The following EBF1 variants were observed in gnomAD, a reference collection of about 807,000 sequenced individuals.
EBF1 encodes EBF transcription factor 1.
Under a neutral mutation model 68.4 loss-of-function variants are expected in EBF1, and 10 were observed. That is an observed-to-expected ratio of 0.15 (90% CI 0.09 to 0.25). The LOEUF is 0.25. Among genes scored for constraint, EBF1 ranks in the 10% least tolerant of loss-of-function variants. EBF1 has a pLI of 1.00. For synonymous variants in EBF1, 298 were observed against 299.8 expected, an observed-to-expected ratio of 0.99 and a Z score of 0.06; for missense variants, 509 against 794.4, an observed-to-expected ratio of 0.64 and a Z score of 4.32.
intron 14 of EBF1, among the ~76,000 whole-genome samples, chr5:158,709,647 C>T (rs777249668): frequency 2.2e-4 from 33 of 152,346 alleles, no homozygotes; most frequent in Middle Eastern, 6.8e-3. Context: ...CCAATCCACA[C>T]GCACTGAGTG....
intron 6 of EBF1, among the ~76,000 whole-genome samples, chr5:159,008,398 G>A (rs1178491341): frequency 1.3e-5 from 2 of 152,070 alleles, no homozygotes; most frequent in African/African-American, 2.4e-5. Flanking sequence ...ACAAACAGAT[G>A]AGGAGACTGA....
At chr5:158,790,284 G>A (rs1196707528) in intron 9 of EBF1, among the ~76,000 whole-genome samples, 1 of 152,178 alleles carries the variant, frequency 6.6e-6, no homozygotes, top group East Asian at 1.9e-4. Flanking sequence ...AAATATGAGG[G>A]AAATTTTGTT....
At chr5:158,987,401 C>T (rs141098171) in intron 6 of EBF1, among the ~76,000 whole-genome samples, 2 of 152,212 alleles carry the variant, frequency 1.3e-5, no homozygotes, top group Non-Finnish European at 2.9e-5. Flanking sequence ...TAGCCTTCAG[C>T]CATAGAATCT....
At chr5:158,982,727 T>C (rs1460312577) in intron 6 of EBF1, among the ~76,000 whole-genome samples, 3 of 152,106 alleles carry the variant, frequency 2.0e-5, no homozygotes, top group African/African-American at 7.2e-5. Context: ...TAATAAAGTG[T>C]CCATGATCCC....
intron 7 of EBF1, among the ~76,000 whole-genome samples, chr5:158,824,322 G>A (rs1785536962): frequency 6.6e-6 from 1 of 152,170 alleles, no homozygotes; most frequent in Non-Finnish European, 1.5e-5. Context: ...ATCAGCCCCT[G>A]TCAGCCGCAA....
chr5:158,737,133 G>A (rs1395966720), intron 10 of EBF1, among the ~76,000 whole-genome samples: 2 of 152,078 alleles, frequency 1.3e-5, no homozygotes, highest in Non-Finnish European at 2.9e-5. Flanking sequence ...GGGCTTCAGG[G>A]AAGGACTCCT....
At chr5:159,062,388 C>G (rs997666948) in intron 6 of EBF1, among the ~76,000 whole-genome samples, 11 of 149,552 alleles carry the variant, frequency 7.4e-5, no homozygotes, top group Non-Finnish European at 8.9e-5. Flanking sequence ...TTGGAGAAGG[C>G]TGGGGAAAGG....
At chr5:158,714,468 A>G (rs1263719721) in intron 11 of EBF1, among the ~76,000 whole-genome samples, 2 of 152,186 alleles carry the variant, frequency 1.3e-5, no homozygotes, top group East Asian at 3.8e-4. Context: ...GCTGAATACA[A>G]TTCCTAGGTC....
chr5:158,891,563 A>G (rs1460991458), intron 6 of EBF1, among the ~76,000 whole-genome samples: 1 of 152,078 alleles, frequency 6.6e-6, no homozygotes, highest in Admixed American at 6.6e-5. Context: ...CTTTGGGCTA[A>G]TCTTTATTTC....
intron 6 of EBF1, among the ~76,000 whole-genome samples, chr5:158,925,209 A>G (rs548074729): frequency 1.5e-3 from 226 of 152,262 alleles, no homozygotes; most frequent in Non-Finnish European, 2.8e-3. Flanking sequence ...GTGGCCATGA[A>G]TCACCTCTTT....
At position 158,708,109 on chromosome 5, in the gene EBF1, C is replaced by T. The variant is rs780351966; in HGVS notation, c.1614G>A (p.Ser538=). ...TSLPSNCSSS[S]GIFSFSPANM... is the part of the protein sequence containing the mutation. ...TGGCTGGTGAGAAGGAGAAGATGCC[C>T]GAGGAGCTGCTGCAGTTGGAGGGGA... The change falls in exon 15 of 16, where the codon TCG becomes TCA. Residue 538 remains serine (S), a synonymous_variant. Transcript: ENST00000313708. 3.6e-5 allele frequency: 57 copies of T among 1,586,542 alleles called. No homozygotes were observed. In the East Asian group the frequency reaches 3.9e-4, roughly 11 times the overall value.
At chr5:158,773,389 G>A (rs1008461921) in intron 10 of EBF1, among the ~76,000 whole-genome samples, 6 of 152,146 alleles carry the variant, frequency 3.9e-5, no homozygotes, top group Non-Finnish European at 2.9e-5. Flanking sequence ...AGGAATGTGG[G>A]TTAGTCCTTC....
intron 6 of EBF1, among the ~76,000 whole-genome samples, chr5:158,853,340 A>G (rs1793348552): frequency 6.6e-6 from 1 of 152,228 alleles, no homozygotes; most frequent in Admixed American, 6.5e-5. Flanking sequence ...ATGTGACCCA[A>G]GTCAAGCCAA....
intron 6 of EBF1, among the ~76,000 whole-genome samples, chr5:158,904,894 T>A (rs1183594825): frequency 6.6e-6 from 1 of 152,206 alleles, no homozygotes; most frequent in Non-Finnish European, 1.5e-5. Context: ...CAATTTGTTA[T>A]TCTCCAGCAT....
At chr5:158,739,237 T>A (rs1765804582) in intron 10 of EBF1, among the ~76,000 whole-genome samples, 1 of 152,238 alleles carries the variant, frequency 6.6e-6, no homozygotes, top group South Asian at 2.1e-4. Flanking sequence ...GGAGCATCTC[T>A]TCATGAACAG....
intron 8 of EBF1, among the ~76,000 whole-genome samples, chr5:158,820,827 G>C (rs1000188498): frequency 1.3e-5 from 2 of 152,184 alleles, no homozygotes; most frequent in Non-Finnish European, 2.9e-5. Context: ...ACTCTTAGAA[G>C]AGGGAATATC....
At chr5:159,094,927 A>T (rs912414196) in intron 4 of EBF1, among the ~76,000 whole-genome samples, 1 of 152,092 alleles carries the variant, frequency 6.6e-6, no homozygotes, top group African/African-American at 2.4e-5. Context: ...TTAAACCATA[A>T]CTCAACCTTA....
At chr5:158,902,995 G>GA (rs1803782244) in intron 6 of EBF1, among the ~76,000 whole-genome samples, 1 of 152,176 alleles carries the variant, frequency 6.6e-6, no homozygotes, top group Admixed American at 6.5e-5. Flanking sequence ...AGGCACAAAA[G>GA]ATTTTCCTTA....
intron 6 of EBF1, among the ~76,000 whole-genome samples, chr5:158,995,388 T>A (rs975675252): frequency 2.0e-5 from 3 of 152,182 alleles, no homozygotes; most frequent in Non-Finnish European, 4.4e-5. Flanking sequence ...AGCAGATCAA[T>A]GCTAGGGGGA....
Sources: allele counts gnomAD v4.1 joint callset (sites outside exome capture counted in the v4.1 genomes callset), GRCh38; gene constraint gnomAD v4.1.1; transcripts MANE v1.5; gene names NCBI Gene and HGNC (gene_info 2026-07-23, HGNC 2026-07-21).